Variants in B9D1 observed in about 807,000 individuals in gnomAD.
B9D1 encodes the protein B9 domain containing 1, also known as B9 domain-containing protein 1.
B9D1 carries 20 observed loss-of-function variants against 26.1 expected under a neutral mutation model. The observed-to-expected ratio is 0.77, with a 90% CI of 0.54 to 1.12. B9D1 has a LOEUF of 1.12. B9D1 is among the 50% of genes most tolerant of loss of function. The pLI, the probability that B9D1 is intolerant of heterozygous loss-of-function variation, is 0.00. For synonymous variants in B9D1, 105 were observed against 103.1 expected (o/e 1.02, Z -0.11); for missense variants, 260 against 273.7 (o/e 0.95, Z 0.35).
rs946246385 is a variant in B9D1 at position 19,376,857 on chromosome 17, G to A, written c.-298+1002C>T. Among the ~76,000 whole-genome samples, 29 of 150,968 alleles carry A rather than the reference G, an allele frequency of 1.9e-4. 1 individual carries two copies. Among genetic ancestry groups the A allele is most frequent in the African/African-American group, 2.7e-4 (11 of 40,698 alleles). On this transcript the variant is annotated intron_variant, in intron 1 of 5. Coordinates refer to the B9D1 transcript ENST00000477478. ...AAAATAAACAACCAAAAAACCCTAG[G>A]TCTCCACAACCCCTTATCATAACCC...
At chr17:19,344,587 C>G (rs1908490361) in intron 5 of B9D1, 1 of 220,532 alleles carries the variant, frequency 4.5e-6, no homozygotes, top group Non-Finnish European at 9.7e-6. Flanking sequence ...CGGGCTTCGC[C>G]CCGCCGGGAC....
chr17:19,346,361 C>T (rs963248818), intron 5 of B9D1, among the ~76,000 whole-genome samples: 6 of 152,350 alleles, frequency 3.9e-5, no homozygotes, highest in South Asian at 2.1e-4. Context: ...GCCCTGGGCG[C>T]GATGCTGTCC....
At chr17:19,341,483 G>A (rs1267350873), downstream of B9D1, among the ~76,000 whole-genome samples, 1 of 152,234 alleles carries the variant, frequency 6.6e-6, no homozygotes. Flanking sequence ...AAAGACCCTT[G>A]AGAGCACTGT....
chr17:19,365,886 A>T (rs1911568753), upstream of B9D1, among the ~76,000 whole-genome samples: 1 of 151,606 alleles, frequency 6.6e-6, no homozygotes, highest in African/African-American at 2.4e-5. This position sits in a 1 kb window ranked among gnomAD's most constrained non-coding sequence, Gnocchi z 5.0. Context: ...GGCACATAGT[A>T]GGTGTATACA....
At chr17:19,356,917 A>G (rs1910433658) in intron 3 of B9D1, among the ~76,000 whole-genome samples, 2 of 152,198 alleles carry the variant, frequency 1.3e-5, no homozygotes, top group African/African-American at 2.4e-5. Flanking sequence ...CAGGAAGTCT[A>G]TTGAAACTTC....
chr17:19,362,253 C>T (rs1911189512), intron 1 of B9D1, among the ~76,000 whole-genome samples: 2 of 152,252 alleles, frequency 1.3e-5, no homozygotes, highest in Non-Finnish European at 2.9e-5. Context: ...GTGCGAGGGC[C>T]CACAGGCTTG....
chr17:19,362,808 C>T, upstream of B9D1: 1 of 1,237,002 alleles, frequency 8.1e-7, no homozygotes, highest in African/African-American at 1.5e-5. Flanking sequence ...CTCCTTAGGG[C>T]AGGTATGACC....
intron 6 of B9D1, 66 bp from the exon 7 acceptor site, chr17:19,343,527 G>GA: frequency 6.2e-7 from 1 of 1,609,576 alleles, no homozygotes; most frequent in African/African-American, 1.3e-5. Context: ...GTTGATCTGG[G>GA]AATCTCAGCC....
chr17:19,343,162 C>T, downstream of B9D1: 1 of 1,450,216 alleles, frequency 6.9e-7, no homozygotes. Flanking sequence ...AGAAGGCAGC[C>T]CCAGGCCTAG....
chr17:19,339,605 T>C (rs906956582), downstream of B9D1, among the ~76,000 whole-genome samples: 1 of 152,206 alleles, frequency 6.6e-6, no homozygotes, highest in Non-Finnish European at 1.5e-5. Context: ...CCCCAAGCTC[T>C]CATTGGCTGA....
rs756557597 is a variant in B9D1 at position 19,347,915 on chromosome 17, G to A, written c.245-35C>T. ...GACAAGGCAGGGGGTGGGCACATGA[G>A]GACACACAGGGGAGGTGCAGGGCAG... On this transcript the variant is annotated intron_variant, in intron 3 of 6. Coordinates refer to ENST00000261499, the MANE Select transcript of B9D1 (RefSeq NM_015681.6). The surrounding 1 kb of genome is among the most constrained non-coding windows in gnomAD (Gnocchi z 4.3). 1 of 1,573,294 alleles carries A rather than the reference G, an allele frequency of 6.4e-7. No homozygotes were observed. Among genetic ancestry groups the A allele is most frequent in the East Asian group, 2.2e-5 (1 of 44,672 alleles).
At chr17:19,366,610 C>A (rs1268606473), upstream of B9D1, among the ~76,000 whole-genome samples, 1 of 152,090 alleles carries the variant, frequency 6.6e-6, no homozygotes, top group Non-Finnish European at 1.5e-5. Flanking sequence ...GAGTTGGAAG[C>A]AGAGTTGGGA....
chr17:19,357,130 T>G (rs180785249), intron 3 of B9D1, among the ~76,000 whole-genome samples: 145 of 152,246 alleles, frequency 9.5e-4, no homozygotes, highest in African/African-American at 3.3e-3. Flanking sequence ...TGATGTCAAT[T>G]TTGAGTGTCA....
At chr17:19,353,831 T>G (rs929472478) in intron 3 of B9D1, among the ~76,000 whole-genome samples, 4 of 151,966 alleles carry the variant, frequency 2.6e-5, no homozygotes, top group African/African-American at 9.7e-5. Context: ...TCCCAGCTAC[T>G]AAGGAGGCTG....
intron 5 of B9D1, among the ~76,000 whole-genome samples, chr17:19,344,839 C>A (rs1281742037): frequency 1.3e-5 from 2 of 152,228 alleles, no homozygotes; most frequent in Non-Finnish European, 2.9e-5. Context: ...GAGCACTGCC[C>A]ACCAGCCCCC....
chr17:19,343,012 C>T, downstream of B9D1: 3 of 1,144,168 alleles, frequency 2.6e-6, no homozygotes, highest in Middle Eastern at 3.4e-4. Context: ...AAGCTCCCAT[C>T]CCACATGCCA....
chr17:19,367,248 G>A (rs1053388742), upstream of B9D1, among the ~76,000 whole-genome samples: 1 of 151,274 alleles, frequency 6.6e-6, no homozygotes, highest in Non-Finnish European at 1.5e-5. Flanking sequence ...TGCACATGAC[G>A]TTCTCAACAA....
chr17:19,347,085 C>T lies in B9D1; in HGVS notation c.404+184G>A. ...GGTAAAATCGCCCGGCCTTCTGCTG[C>T]TGGAACAGGGCTGAAGGGAGCCCCG... On this transcript the variant is annotated intron_variant, in intron 5 of 6. Coordinates refer to ENST00000261499, the MANE Select transcript of B9D1 (RefSeq NM_015681.6). This position sits in a 1 kb window ranked among gnomAD's most constrained non-coding sequence, Gnocchi z 4.3. 1 of 1,557,212 alleles carries T rather than the reference C, an allele frequency of 6.4e-7. No individual in the cohort carries two copies. Among genetic ancestry groups the T allele is most frequent in the South Asian group, 1.2e-5 (1 of 84,968 alleles).
intron 3 of B9D1, among the ~76,000 whole-genome samples, chr17:19,353,025 G>A (rs1371413401): frequency 6.6e-6 from 1 of 151,644 alleles, no homozygotes; most frequent in Non-Finnish European, 1.5e-5. Context: ...CGCCAGGCTG[G>A]AGTGTAGTGA....
Sources: gnomAD v4.1 joint callset for allele counts (sites outside exome capture counted in the v4.1 genomes callset) on GRCh38, gnomAD v4.1.1 for gene constraint, Gnocchi (gnomAD v3.1) non-coding constraint, MANE v1.5 for transcripts, NCBI Gene and HGNC (gene_info 2026-07-23, HGNC 2026-07-21) for gene names.